The following OIP5 variants were observed in gnomAD, a reference collection of about 807,000 sequenced individuals.
OIP5 encodes Opa interacting protein 5.
OIP5 carries 24 observed loss-of-function variants against 20.3 expected under a neutral mutation model. That is an observed-to-expected ratio of 1.18 (90% confidence interval 0.86 to 1.66). OIP5 has a LOEUF of 1.66. OIP5 is among the 40% of genes most tolerant of loss of function. OIP5 has a pLI of 0.00. For missense variants in OIP5, 339 were observed against 289.5 expected (o/e 1.17, Z -1.24); for synonymous variants, 143 against 121.3 (o/e 1.18, Z -1.17).
chr15:41,330,250 C>T (rs34762773), intron 2 of OIP5, among the ~76,000 whole-genome samples: 1,537 of 151,992 alleles, frequency 0.01, 25 homozygotes, highest in South Asian at 0.036. Context: ...CAGGCATGTG[C>T]CACCATGCCC....
chr15:41,328,252 C>T (rs2047873939), intron 2 of OIP5, among the ~76,000 whole-genome samples: 1 of 152,158 alleles, frequency 6.6e-6, no homozygotes, highest in African/African-American at 2.4e-5. Flanking sequence ...CTCCTGGGTT[C>T]AAGTGATCCT....
At chr15:41,317,215 T>C (rs1267136282) in intron 3 of OIP5, among the ~76,000 whole-genome samples, 4 of 152,150 alleles carry the variant, frequency 2.6e-5, no homozygotes, top group Non-Finnish European at 5.9e-5. Context: ...AAGACTTCCC[T>C]GCAGCTACAT....
intron 4 of OIP5, among the ~76,000 whole-genome samples, chr15:41,311,857 C>T (rs2047756658): frequency 9.7e-6 from 1 of 103,608 alleles, no homozygotes; most frequent in African/African-American, 2.7e-5. Flanking sequence ...TGAGCCACCG[C>T]ACCCAGCCAA....
intron 2 of OIP5, among the ~76,000 whole-genome samples, chr15:41,324,754 T>G (rs1371795346): frequency 6.6e-6 from 1 of 152,212 alleles, no homozygotes; most frequent in African/African-American, 2.4e-5. Flanking sequence ...CTCCCAAAAG[T>G]GCTGGGATTA....
intron 3 of OIP5, among the ~76,000 whole-genome samples, chr15:41,314,529 T>C (rs1399652796): frequency 6.6e-6 from 1 of 151,962 alleles, no homozygotes; most frequent in African/African-American, 2.4e-5. Context: ...GGGATGGGTG[T>C]GCTGGCTCAC....
rs1379485794 is a variant in OIP5 at position 41,331,421 on chromosome 15, A to C, written c.389+494T>G. On this transcript the variant is annotated intron_variant, in intron 2 of 4. Coordinates refer to ENST00000220514, the MANE Select transcript of OIP5 (RefSeq NM_007280.2). ...GTGGGCAACATACTAAGGCCTCTAC[A>C]AAAAATTTAAAAATTAGCCGGGAGT... Among the ~76,000 whole-genome samples the C allele has an allele frequency of 1.4e-4, 21 of 152,254 alleles. No individual in the cohort carries two copies. In the South Asian group the frequency reaches 3.9e-3, roughly 29 times the overall value.
intron 2 of OIP5, among the ~76,000 whole-genome samples, chr15:41,330,020 T>C (rs1305059789): frequency 6.6e-6 from 1 of 152,072 alleles, no homozygotes; most frequent in Non-Finnish European, 1.5e-5. Flanking sequence ...AAAAATAAAA[T>C]AAAAACAGGT....
intron 3 of OIP5, among the ~76,000 whole-genome samples, chr15:41,316,660 G>A (rs1194844697): frequency 2.6e-5 from 4 of 151,714 alleles, no homozygotes; most frequent in Non-Finnish European, 5.9e-5. Context: ...CGTGGTGGTG[G>A]GCGCCTGTAG....
intron 2 of OIP5, among the ~76,000 whole-genome samples, chr15:41,326,806 G>A (rs1225243223): frequency 6.6e-6 from 1 of 152,126 alleles, no homozygotes; most frequent in Non-Finnish European, 1.5e-5. Context: ...GCCTTGCTCT[G>A]CCACTAAGGG....
At chr15:41,332,085 C>T in intron 1 of OIP5, 104 bp from the exon 2 acceptor site, 1 of 1,355,090 alleles carries the variant, frequency 7.4e-7, no homozygotes, top group African/African-American at 1.4e-5. Context: ...AGGAGACTCC[C>T]CGATTCCCTG....
rs1212321948 is a variant in OIP5, at chr15:41,330,418, T to TG, written c.389+1496_389+1497insC. ...CCCAGCCGTAATCAGTATTTTTTTT[T>TG]TTTTTTTTTTGATACGGAGTCTGTC... On this transcript the variant is annotated intron_variant, in intron 2 of 4. Coordinates refer to ENST00000220514, the MANE Select transcript of OIP5 (RefSeq NM_007280.2). Among the ~76,000 whole-genome samples, 99 of 151,450 alleles carry TG rather than the reference T, an allele frequency of 6.5e-4. 1 individual carries two copies. The highest frequency in any genetic ancestry group is 2.3e-3 in the African/African-American group (94 of 41,340).
intron 3 of OIP5, among the ~76,000 whole-genome samples, chr15:41,315,943 C>T (rs920157934): frequency 1.6e-4 from 25 of 152,098 alleles, no homozygotes; most frequent in African/African-American, 5.3e-4. Flanking sequence ...CTGGCTAACA[C>T]GGTAAAACCC....
chr15:41,328,392 G>A lies in OIP5; in HGVS notation c.389+3523C>T, dbSNP rs116428871. Among the ~76,000 whole-genome samples, 242 of 152,180 alleles carry A rather than the reference G, an allele frequency of 1.6e-3. 1 individual carries two copies. The highest frequency in any genetic ancestry group is 5.6e-3 in the African/African-American group (233 of 41,536). ...CTAGTTTAGTGACAGGTAGACAGAG[G>A]TTCATTATATTCTTCTCTCGGGTTT... On this transcript the variant is annotated intron_variant, in intron 2 of 4. Coordinates refer to ENST00000220514, the MANE Select transcript of OIP5 (RefSeq NM_007280.2).
intron 2 of OIP5, among the ~76,000 whole-genome samples, chr15:41,329,727 A>T (rs2047885289): frequency 6.6e-6 from 1 of 151,598 alleles, no homozygotes. Context: ...TTTGAGGAAG[A>T]GTCTCGCTCT....
chr15:41,319,962 G>A (rs2047812614), intron 2 of OIP5, among the ~76,000 whole-genome samples, 182 bp from the exon 3 acceptor site: 2 of 152,178 alleles, frequency 1.3e-5, no homozygotes, highest in African/African-American at 4.8e-5. Flanking sequence ...TTAATTACAT[G>A]CTGGATTGCG....
chr15:41,332,309 C>T lies in OIP5; in HGVS notation c.253G>A (p.Ala85Thr), dbSNP rs768059422. 3 of 1,604,020 alleles carry T rather than the reference C, an allele frequency of 1.9e-6. No individual in the cohort carries two copies. The South Asian group carries it at 3.3e-5, about 18-fold the overall frequency. Residue 85 changes from alanine to threonine, a missense_variant, in exon 1 of 5, where the codon GCA becomes ACA. Transcript: ENST00000220514. ...CAVFQCAQCH[A>T]VLADSVHLAW... Reference sequence around the variant, plus strand: ...AGGTGCACCGAGTCGGCGAGCACTGCGTGACACTGTGCGCACTGGAACACA... The same window carrying T: ...AGGTGCACCGAGTCGGCGAGCACTGTGTGACACTGTGCGCACTGGAACACA...
At chr15:41,314,721 T>C (rs892409443) in intron 3 of OIP5, among the ~76,000 whole-genome samples, 1 of 151,084 alleles carries the variant, frequency 6.6e-6, no homozygotes, top group African/African-American at 2.4e-5. Flanking sequence ...AACCTCCGCC[T>C]TCCAGGTTCA....
intron 2 of OIP5, among the ~76,000 whole-genome samples, chr15:41,321,576 C>G (rs578117944): frequency 6.6e-6 from 1 of 152,256 alleles, no homozygotes; most frequent in East Asian, 1.9e-4. Context: ...TTGTTCTGTA[C>G]TAAGAAAAAT....
intron 4 of OIP5, among the ~76,000 whole-genome samples, chr15:41,312,211 G>C (rs2047760334): frequency 9.8e-6 from 1 of 102,476 alleles, no homozygotes; most frequent in African/African-American, 2.7e-5. Context: ...GCTCAGGCTA[G>C]AGTGCAATGG....
Sources: allele counts gnomAD v4.1 joint callset (sites outside exome capture counted in the v4.1 genomes callset), GRCh38; gene constraint gnomAD v4.1.1; transcripts MANE v1.5; gene names NCBI Gene and HGNC (gene_info 2026-07-23, HGNC 2026-07-21).